Variants in LRBA observed in about 807,000 individuals in gnomAD.
The protein encoded by LRBA is LPS responsive beige-like anchor protein, also known as lipopolysaccharide-responsive and beige-like anchor protein.
LRBA carries 176 observed loss-of-function variants against 330.0 expected under a neutral mutation model. The ratio of observed to expected loss-of-function variants is 0.53; its 90% CI spans 0.47 to 0.60. LRBA has a LOEUF of 0.60. Among genes scored for constraint, LRBA ranks in the 20% least tolerant of loss-of-function variants. The pLI is 0.00. For synonymous variants in LRBA, 1,230 were observed against 1,193.0 expected, an observed-to-expected ratio of 1.03 and a Z score of -0.64; for missense variants, 3,259 against 3,444.8, an observed-to-expected ratio of 0.95 and a Z score of 1.35.
rs1244879145 is a variant in LRBA, at chr4:150,803,038, A to C, written c.5518+3233T>G. 4.8e-5 allele frequency among the ~76,000 whole-genome samples: 7 copies of C among 147,222 alleles called. No homozygotes were observed. In the East Asian group the frequency reaches 1.2e-3, roughly 25 times the overall value. On this transcript the variant is annotated intron_variant, in intron 33 of 56. Transcript: ENST00000651943. ...CTCTGTCTCCAAAAAAAAAAAAAAA[A>C]AAAACTAAAAACAAAAACAAAAACA...
intron 46 of LRBA, among the ~76,000 whole-genome samples, chr4:150,424,644 C>T (rs1157394317): frequency 2.0e-5 from 3 of 152,142 alleles, no homozygotes; most frequent in Non-Finnish European, 2.9e-5. Flanking sequence ...CACACACACA[C>T]ACACAGAGTC....
At chr4:150,537,087 A>G (rs2152214522) in intron 40 of LRBA, among the ~76,000 whole-genome samples, 1 of 152,350 alleles carries the variant, frequency 6.6e-6, no homozygotes, top group Middle Eastern at 3.4e-3. Flanking sequence ...ACTATACTAT[A>G]AGACTACAAT....
intron 34 of LRBA, among the ~76,000 whole-genome samples, chr4:150,795,682 T>C (rs1240061736): frequency 2.0e-5 from 3 of 151,996 alleles, no homozygotes; most frequent in East Asian, 3.8e-4. Context: ...TCAACTATTA[T>C]ATATAGCCTA....
intron 40 of LRBA, among the ~76,000 whole-genome samples, chr4:150,493,172 T>C (rs1301919580): frequency 1.3e-5 from 2 of 152,048 alleles, no homozygotes; most frequent in African/African-American, 4.8e-5. Flanking sequence ...TTTGTAGAGA[T>C]GAGGTCTCAC....
chr4:150,772,710 T>C (rs1160863468), intron 34 of LRBA, among the ~76,000 whole-genome samples: 3 of 152,114 alleles, frequency 2.0e-5, no homozygotes, highest in African/African-American at 7.2e-5. Flanking sequence ...AAGGGGCCCG[T>C]CAAAGGCTCC....
intron 2 of LRBA, among the ~76,000 whole-genome samples, chr4:150,985,990 C>CT (rs890566561): frequency 4.0e-5 from 6 of 150,662 alleles, no homozygotes; most frequent in African/African-American, 1.2e-4. Context: ...TATAAAAGTG[C>CT]TTTTTTTTTG....
chr4:151,008,544 AAC>A (rs1411544411), intron 2 of LRBA, among the ~76,000 whole-genome samples: 1 of 152,084 alleles, frequency 6.6e-6, no homozygotes, highest in Non-Finnish European at 1.5e-5. Context: ...CTTAGTATGC[AAC>A]AGTTTCACAT....
intron 35 of LRBA, among the ~76,000 whole-genome samples, chr4:150,743,930 T>C (rs1035229406): frequency 3.9e-5 from 6 of 152,220 alleles, no homozygotes; most frequent in Non-Finnish European, 7.4e-5. Context: ...TCGATCTCTA[T>C]TAGGCTCACA....
intron 48 of LRBA, among the ~76,000 whole-genome samples, chr4:150,344,214 T>C (rs1017324324): frequency 2.0e-5 from 3 of 152,222 alleles, no homozygotes; most frequent in Non-Finnish European, 4.4e-5. Flanking sequence ...CTTTTTGTGG[T>C]GACAAAAATG....
Position 150,735,240 on chromosome 4 carries a change from A to G in LRBA, c.5754+18T>C, listed in dbSNP as rs760876045. 4 of 1,567,788 alleles carry G rather than the reference A, an allele frequency of 2.6e-6. No individual in the cohort carries two copies. In the African/African-American group the frequency reaches 5.4e-5, roughly 21 times the overall value. On this transcript the variant is annotated intron_variant, in intron 36 of 56. Coordinates refer to ENST00000651943, the MANE Select transcript of LRBA (RefSeq NM_001364905.1). Reference sequence around the variant, plus strand: ...AAAAAACGGTAACTTCCGCACACCAACCATATGTGTAACCTACCTCAAATT... The same window carrying G: ...AAAAAACGGTAACTTCCGCACACCAGCCATATGTGTAACCTACCTCAAATT...
chr4:150,557,476 A>G (rs1340630606), intron 40 of LRBA, among the ~76,000 whole-genome samples: 1 of 151,852 alleles, frequency 6.6e-6, no homozygotes, highest in Non-Finnish European at 1.5e-5. Context: ...AGATTTCATC[A>G]GTTTTTCTCT....
chr4:150,725,483 G>A (rs942923073), intron 36 of LRBA, among the ~76,000 whole-genome samples: 8 of 152,146 alleles, frequency 5.3e-5, no homozygotes, highest in Non-Finnish European at 1.0e-4. Context: ...AGTATATCCA[G>A]TGAAAATATC....
intron 52 of LRBA, among the ~76,000 whole-genome samples, chr4:150,308,327 C>T (rs749781701): frequency 2.0e-5 from 3 of 152,070 alleles, no homozygotes; most frequent in African/African-American, 4.8e-5. Flanking sequence ...GCTGTGGTAA[C>T]GTTGTAGTGC....
chr4:150,848,903 TATAAGCACATCCACA>T lies in LRBA; in HGVS notation c.4239_4253del (p.Val1414_Ile1418del), dbSNP rs769543970. Reference sequence around the variant, plus strand: ...CAGTAAAGCCAAGAGAACTTGCAAATATAAGCACATCCACAAGGCTAATTAGCCTCTGCAAAAATG... The same window carrying T: ...CAGTAAAGCCAAGAGAACTTGCAAATAGGCTAATTAGCCTCTGCAAAAATG... On this transcript the variant is annotated inframe_deletion, in exon 26 of 57. Transcript: ENST00000651943. 3 of 1,613,358 alleles carry T rather than the reference TATAAGCACATCCACA, an allele frequency of 1.9e-6. No individual in the cohort carries two copies. The highest frequency in any genetic ancestry group is 1.7e-6 in the Non-Finnish European group (2 of 1,179,532).
intron 46 of LRBA, among the ~76,000 whole-genome samples, chr4:150,417,714 T>C (rs7677055): frequency 0.15 from 22,440 of 152,128 alleles, 1,671 homozygotes; most frequent in Middle Eastern, 0.17. Flanking sequence ...ATTTGAGAGA[T>C]GCATCATTTC....
rs770180577 is a variant in LRBA at position 150,467,630 on chromosome 4, A to G, written c.6780+43T>C. The G allele has an allele frequency of 5.0e-6, 6 of 1,199,660 alleles. No individual in the cohort carries two copies. In the South Asian group the frequency reaches 8.3e-5, roughly 17 times the overall value. The allele number at this position is 1,199,660 out of a possible 1,614,324, so 74.3% of individuals were successfully genotyped here. On this transcript the variant is annotated intron_variant, in intron 44 of 56. Coordinates refer to ENST00000651943, the MANE Select transcript of LRBA (RefSeq NM_001364905.1). ...ACGAAAGACAATCCAATTTATTTTT[A>G]TATGCAAGACAATTATATTTCACAT...
intron 51 of LRBA, among the ~76,000 whole-genome samples, chr4:150,311,898 G>C (rs1431928271): frequency 6.6e-6 from 1 of 152,182 alleles, no homozygotes; most frequent in African/African-American, 2.4e-5. Flanking sequence ...CAATGAAGTT[G>C]TATGATACAA....
intron 47 of LRBA, among the ~76,000 whole-genome samples, chr4:150,394,622 T>A (rs1744454021): frequency 6.6e-6 from 1 of 152,186 alleles, no homozygotes; most frequent in African/African-American, 2.4e-5. Context: ...CAGGCATGGC[T>A]ATTGTCTTTA....
chr4:150,890,805 CA>C (rs1371905911), intron 17 of LRBA, among the ~76,000 whole-genome samples: 2 of 152,162 alleles, frequency 1.3e-5, no homozygotes, highest in African/African-American at 4.8e-5. Flanking sequence ...AAAATTCACA[CA>C]CTAAGACTAA....
Sources: gnomAD v4.1 joint callset for allele counts (sites outside exome capture counted in the v4.1 genomes callset) on GRCh38, gnomAD v4.1.1 for gene constraint, MANE v1.5 for transcripts, NCBI Gene and HGNC (gene_info 2026-07-23, HGNC 2026-07-21) for gene names.